Variants in FBXL17 observed in about 807,000 individuals in gnomAD.
The protein encoded by FBXL17 is F-box and leucine rich repeat protein 17.
In FBXL17, 22 loss-of-function variants were observed where a neutral mutation model predicts 66.2. The observed-to-expected ratio is 0.33, with a 90% CI of 0.24 to 0.47. The LOEUF (loss-of-function observed/expected upper bound fraction) is 0.47. FBXL17 is among the 20% of genes least tolerant of loss of function. FBXL17 has a pLI of 1.00. For synonymous variants in FBXL17, 474 were observed against 400.5 expected, an observed-to-expected ratio of 1.18 and a Z score of -2.19; for missense variants, 878 against 948.2, an observed-to-expected ratio of 0.93 and a Z score of 0.97.
intron 8 of FBXL17, among the ~76,000 whole-genome samples, chr5:107,862,487 C>T (rs772414067): frequency 6.6e-6 from 1 of 152,066 alleles, no homozygotes; most frequent in Admixed American, 6.5e-5. Context: ...ATCAGACAGG[C>T]CTAATTAAAA....
Position 108,096,857 on chromosome 5 carries a change from T to G in FBXL17, c.1746-75856A>C, listed in dbSNP as rs115260211. Among the ~76,000 whole-genome samples, 1,390 of 152,330 alleles carry G rather than the reference T, an allele frequency of 9.1e-3. 19 individuals carry two copies. Among genetic ancestry groups the G allele is most frequent in the African/African-American group, 0.031 (1,305 of 41,560 alleles). ...GTATGTCAAACATAAGCATCCTGCTTTGGGCTTTGCACTGGAAGTTAAAAG... is the reference window on the plus strand; with the variant it reads ...GTATGTCAAACATAAGCATCCTGCTGTGGGCTTTGCACTGGAAGTTAAAAG... On this transcript the variant is annotated intron_variant, in intron 6 of 8. Coordinates refer to ENST00000542267, the MANE Select transcript of FBXL17 (RefSeq NM_001163315.3).
At chr5:108,097,584 T>C (rs1749425348) in intron 6 of FBXL17, among the ~76,000 whole-genome samples, 2 of 151,540 alleles carry the variant, frequency 1.3e-5, no homozygotes, top group Non-Finnish European at 2.9e-5. Context: ...AGGTAAGGAG[T>C]TCGAGACCAG....
intron 7 of FBXL17, among the ~76,000 whole-genome samples, chr5:107,920,218 T>C (rs1750266097): frequency 6.6e-6 from 1 of 152,214 alleles, no homozygotes; most frequent in South Asian, 2.1e-4. Context: ...TTTATTTTCT[T>C]TTTGAGACAG....
At chr5:108,148,313 C>G (rs1751639199) in intron 6 of FBXL17, among the ~76,000 whole-genome samples, 1 of 152,030 alleles carries the variant, frequency 6.6e-6, no homozygotes, top group Non-Finnish European at 1.5e-5. Flanking sequence ...CCAGGGAATC[C>G]TGATATTCCA....
rs1267206004 is a variant in FBXL17, at chr5:108,170,913, A to C, written c.1745+15204T>G. Among the ~76,000 whole-genome samples the C allele has an allele frequency of 2.0e-5, 3 of 152,186 alleles. No individual in the cohort carries two copies. The East Asian group carries it at 5.8e-4, about 29-fold the overall frequency. On this transcript the variant is annotated intron_variant, in intron 6 of 8. Transcript: ENST00000542267. ...ATTATGTCACAGTAACAACTATTCT[A>C]AGGAAGGGTCTTCTTTCCCCTCTCA... is the stretch of plus-strand genomic sequence containing the variant.
At chr5:108,111,683 T>TA (rs1032134157) in intron 6 of FBXL17, among the ~76,000 whole-genome samples, 2 of 152,216 alleles carry the variant, frequency 1.3e-5, no homozygotes, top group Non-Finnish European at 2.9e-5. Flanking sequence ...TCAGTCAGTG[T>TA]AAAAAACTGT....
chr5:108,181,469 A>G (rs1027596393), intron 6 of FBXL17, among the ~76,000 whole-genome samples: 3 of 152,246 alleles, frequency 2.0e-5, no homozygotes, highest in Admixed American at 6.5e-5. Context: ...GATAAAGAGC[A>G]GCATGTCTTA....
At chr5:108,055,280 GAAAAAAAAAAAAAAA>G (rs1000211060) in intron 6 of FBXL17, among the ~76,000 whole-genome samples, 38 of 23,692 alleles carry the variant, frequency 1.6e-3, no homozygotes, top group Admixed American at 0.015. Flanking sequence ...AGAATTTTTA[GAAAAAAAAAAAAAAA>G]AAAAAAAAAA....
intron 6 of FBXL17, among the ~76,000 whole-genome samples, chr5:108,040,007 G>A (rs1047423273): frequency 6.6e-6 from 1 of 152,010 alleles, no homozygotes; most frequent in Admixed American, 6.6e-5. Flanking sequence ...AAATAGAAAA[G>A]TTTATATTAT....
chr5:108,125,267 T>C (rs1236004172), intron 6 of FBXL17, among the ~76,000 whole-genome samples: 1 of 152,092 alleles, frequency 6.6e-6, no homozygotes, highest in Non-Finnish European at 1.5e-5. Flanking sequence ...ATATTTCATG[T>C]ACCCCATAAA....
intron 7 of FBXL17, among the ~76,000 whole-genome samples, chr5:107,942,685 C>A (rs1289263635): frequency 1.3e-5 from 2 of 151,994 alleles, no homozygotes. Context: ...GGGATTTTGT[C>A]CCATTGACAA....
At chr5:108,098,860 G>T (rs1240322747) in intron 6 of FBXL17, among the ~76,000 whole-genome samples, 1 of 151,490 alleles carries the variant, frequency 6.6e-6, no homozygotes, top group African/African-American at 2.4e-5. Context: ...CTGTAAACAT[G>T]AATATATCAT....
At chr5:108,084,960 A>G (rs1355038195) in intron 6 of FBXL17, among the ~76,000 whole-genome samples, 1 of 152,214 alleles carries the variant, frequency 6.6e-6, no homozygotes, top group Non-Finnish European at 1.5e-5. Context: ...TGGAGTTGTA[A>G]CTCAACCCAA....
At chr5:108,007,245 T>G (rs1411433268) in intron 7 of FBXL17, among the ~76,000 whole-genome samples, 1 of 152,184 alleles carries the variant, frequency 6.6e-6, no homozygotes, top group Admixed American at 6.6e-5. Flanking sequence ...AGTTGGGAAT[T>G]GAGTATGTGT....
chr5:108,063,843 AC>A (rs1245490006), intron 6 of FBXL17, among the ~76,000 whole-genome samples: 6 of 152,192 alleles, frequency 3.9e-5, no homozygotes, highest in Non-Finnish European at 8.8e-5. Context: ...GATGAAAAAA[AC>A]AACAGTGATT....
chr5:108,279,568 T>G (rs565612237), intron 4 of FBXL17, among the ~76,000 whole-genome samples: 20 of 145,760 alleles, frequency 1.4e-4, no homozygotes, highest in Non-Finnish European at 2.0e-4. Context: ...AAAAAAAAAG[T>G]AATATGACAC....
At chr5:108,025,715 A>ATG (rs1754783435) in intron 6 of FBXL17, among the ~76,000 whole-genome samples, 1 of 119,448 alleles carries the variant, frequency 8.4e-6, no homozygotes, top group Non-Finnish European at 1.7e-5. Context: ...ACACACACAC[A>ATG]CACGCGCGCG....
At chr5:107,963,849 G>C (rs1427152618) in intron 7 of FBXL17, among the ~76,000 whole-genome samples, 2 of 151,960 alleles carry the variant, frequency 1.3e-5, no homozygotes, top group African/African-American at 2.4e-5. Flanking sequence ...CTCACTCTAG[G>C]CTTTATAAAA....
intron 3 of FBXL17, among the ~76,000 whole-genome samples, chr5:108,355,984 A>C (rs1214506862): frequency 6.6e-5 from 10 of 152,214 alleles, no homozygotes; most frequent in Non-Finnish European, 1.5e-5. Flanking sequence ...TGTTGTCTAC[A>C]AGAAATCTAC....
Sources: allele counts gnomAD v4.1 joint callset (sites outside exome capture counted in the v4.1 genomes callset), GRCh38; gene constraint gnomAD v4.1.1; transcripts MANE v1.5; gene names NCBI Gene and HGNC (gene_info 2026-07-23, HGNC 2026-07-21).